The following PANK1 variants were observed in gnomAD, a reference collection of about 807,000 sequenced individuals.
The protein encoded by PANK1 is pantothenic acid kinase 1.
PANK1 carries 18 observed loss-of-function variants against 40.1 expected under a neutral mutation model. The observed-to-expected ratio is 0.45, with a 90% CI of 0.31 to 0.67. The LOEUF (loss-of-function observed/expected upper bound fraction) is 0.67, where lower values mean the gene tolerates loss of function less well. Among genes scored for constraint, PANK1 ranks in the 30% least tolerant of loss-of-function variants. PANK1 has a pLI of 0.06. For missense variants in PANK1, 457 were observed against 599.6 expected, an observed-to-expected ratio of 0.76 and a Z score of 2.48; for synonymous variants, 242 against 237.7, an observed-to-expected ratio of 1.02 and a Z score of -0.17.
intron 1 of PANK1, among the ~76,000 whole-genome samples, chr10:89,624,124 A>G (rs185556969): frequency 1.3e-5 from 2 of 152,318 alleles, no homozygotes; most frequent in East Asian, 3.9e-4. Flanking sequence ...AAAAGAGAAC[A>G]GCAAGAATTC....
At position 89,585,032 on chromosome 10, in the gene PANK1, G is replaced by A. The variant is rs115657335; in HGVS notation, c.1327-567C>T. Among the ~76,000 whole-genome samples the A allele has an allele frequency of 7.2e-3, 1,089 of 152,274 alleles. 12 individuals carry two copies. The highest frequency in any genetic ancestry group is 0.025 in the African/African-American group (1,041 of 41,538). On this transcript the variant is annotated intron_variant, in intron 6 of 6. Transcript: ENST00000307534. ...TTTTTAGAGAACTATGTGTTAGTTTGTTCAGGCTGCTATATATAACAAAGT... is the reference window on the plus strand; with the variant it reads ...TTTTTAGAGAACTATGTGTTAGTTTATTCAGGCTGCTATATATAACAAAGT...
intron 1 of PANK1, among the ~76,000 whole-genome samples, chr10:89,630,739 G>A (rs1408988322): frequency 7.2e-5 from 11 of 152,150 alleles, no homozygotes; most frequent in Admixed American, 3.9e-4. Context: ...TGATCCGCCC[G>A]CCTCGGCCTT....
intron 1 of PANK1, among the ~76,000 whole-genome samples, chr10:89,634,032 AGC>A (rs2133023719): frequency 6.6e-6 from 1 of 152,314 alleles, no homozygotes; most frequent in Admixed American, 6.5e-5. Context: ...ATACCTCGTG[AGC>A]TGTTATGTAG....
rs988898469 is a variant in PANK1, at chr10:89,594,101, G to A, written c.900-112C>T. The A allele has an allele frequency of 7.0e-6, 5 of 713,672 alleles. No homozygotes were observed. In the East Asian group the frequency reaches 1.3e-4, roughly 19 times the overall value. The allele number at this position is 713,672 out of a possible 1,614,324, so 44.2% of individuals were successfully genotyped here. On this transcript the variant is annotated intron_variant, in intron 3 of 6. Transcript: ENST00000307534. ...GTGAATAAAAGCAGACGAACAAAGG[G>A]GCACTTGAATTAAAGTGCTAGGGTG...
intron 5 of PANK1, among the ~76,000 whole-genome samples, chr10:89,591,093 G>A (rs1055519902): frequency 9.9e-5 from 15 of 151,802 alleles, no homozygotes; most frequent in African/African-American, 3.6e-4. Flanking sequence ...TATATGGAGG[G>A]TGAATTGTAT....
chr10:89,589,466 T>C (rs958064636), intron 5 of PANK1, among the ~76,000 whole-genome samples: 1 of 152,178 alleles, frequency 6.6e-6, no homozygotes, highest in African/African-American at 2.4e-5. Context: ...AGTGCACTCG[T>C]TATACTTCCC....
chr10:89,644,566 C>T lies in PANK1; in HGVS notation c.292+34G>A, dbSNP rs1842058690. On this transcript the variant is annotated intron_variant, in intron 1 of 6. Transcript: ENST00000307534. ...CCCGGGCCCCGCACGCTGCGTCTGC[C>T]TTGCGCCCGCGCTCCCCTCCCAGCG... The T allele has an allele frequency of 2.6e-6, 4 of 1,562,444 alleles. No homozygotes were observed. The East Asian group carries it at 7.2e-5, about 28-fold the overall frequency.
At chr10:89,634,419 T>C (rs542863724) in intron 1 of PANK1, among the ~76,000 whole-genome samples, 2 of 152,118 alleles carry the variant, frequency 1.3e-5, no homozygotes, top group Non-Finnish European at 2.9e-5. Flanking sequence ...CAGTGTAGGA[T>C]CAAGGCCAAG....
In PANK1 at chr10:89,645,050, C is replaced by T. The variant is rs1223909360; in HGVS notation, c.-159G>A. On this transcript the variant is annotated 5_prime_UTR_variant, in exon 1 of 7. Transcript: ENST00000307534. ...TGGCGAACCCGGCGCTCCTCCCCTC[C>T]TCCTGCCGACTCCCCCACCTCCTCT... 1 of 1,562,000 alleles carries T rather than the reference C, an allele frequency of 6.4e-7. No homozygotes were observed. Among genetic ancestry groups the T allele is most frequent in the South Asian group, 1.2e-5 (1 of 86,198 alleles).
At position 89,611,682 on chromosome 10, in the gene PANK1, C is replaced by A; in HGVS notation, c.645+14G>T. On this transcript the variant is annotated intron_variant, in intron 2 of 6. Transcript: ENST00000307534. Reference sequence around the variant, plus strand: ...AGAGGTTTTGATGTTTTAACAAAGACAAACCCGACCTACCATTCTGAAGTC... The same window carrying A: ...AGAGGTTTTGATGTTTTAACAAAGAAAAACCCGACCTACCATTCTGAAGTC... 1 of 1,572,542 alleles carries A rather than the reference C, an allele frequency of 6.4e-7. No homozygotes were observed. The highest frequency in any genetic ancestry group is 8.7e-7 in the Non-Finnish European group (1 of 1,153,586).
intron 1 of PANK1, chr10:89,639,275 C>G (rs1346871892): frequency 2.3e-6 from 1 of 439,142 alleles, no homozygotes; most frequent in African/African-American, 2.0e-5. Context: ...AACTTGCAGC[C>G]TCAAGTCCTT....
chr10:89,607,335 C>A (rs1844998596), intron 2 of PANK1, among the ~76,000 whole-genome samples: 1 of 152,184 alleles, frequency 6.6e-6, no homozygotes, highest in African/African-American at 2.4e-5. Context: ...TCAGAACACA[C>A]AACATTTATC....
intron 1 of PANK1, 30 bp from the exon 2 acceptor site, chr10:89,612,078 A>G (rs1845174717): frequency 1.3e-6 from 2 of 1,569,876 alleles, no homozygotes; most frequent in South Asian, 2.3e-5. Flanking sequence ...AGTGCTGCTG[A>G]ATGCTATGCG....
chr10:89,604,517 C>G (rs1056727995), intron 2 of PANK1, among the ~76,000 whole-genome samples: 1 of 151,916 alleles, frequency 6.6e-6, no homozygotes, highest in South Asian at 2.1e-4. Flanking sequence ...CATGGTAAGA[C>G]CCTCGTTTCT....
chr10:89,594,167 G>T (rs888061809), intron 3 of PANK1, among the ~76,000 whole-genome samples, 178 bp from the exon 4 acceptor site: 2 of 152,132 alleles, frequency 1.3e-5, no homozygotes, highest in Non-Finnish European at 2.9e-5. Context: ...AAAGAGGGCA[G>T]AGACTAAAAA....
In PANK1 at chr10:89,584,404, CTCTACTTG is replaced by C. The variant is rs1289676114; in HGVS notation, c.1380_*1del. ...GGAGGCTGTTTCCTCCACTGCTCGT[CTCTACTTG>C]TCATCAGTCATTTTGAACAGTTCCA... On this transcript the variant is annotated stop_lost and 3_prime_UTR_variant, in exon 7 of 7. Coordinates refer to ENST00000307534, the MANE Select transcript of PANK1 (RefSeq NM_148977.3). 6.3e-7 allele frequency: 1 copy of C among 1,592,362 alleles called. No homozygotes were observed. The highest frequency in any genetic ancestry group is 1.1e-5 in the South Asian group (1 of 90,504).
At chr10:89,593,406 G>T in intron 4 of PANK1, 86 bp from the exon 5 acceptor site, 1 of 1,447,234 alleles carries the variant, frequency 6.9e-7, no homozygotes, top group East Asian at 2.3e-5. Flanking sequence ...AAGGCTCTAC[G>T]AGTAACTGTT....
chr10:89,623,267 G>A (rs965020407), intron 1 of PANK1, among the ~76,000 whole-genome samples: 2 of 152,080 alleles, frequency 1.3e-5, no homozygotes, highest in African/African-American at 2.4e-5. Context: ...TGTGGCCCAG[G>A]CTGGAGTGCA....
intron 2 of PANK1, among the ~76,000 whole-genome samples, chr10:89,603,298 C>T (rs1261083013): frequency 6.6e-6 from 1 of 152,104 alleles, no homozygotes; most frequent in East Asian, 1.9e-4. Flanking sequence ...CTCTTTTAAC[C>T]CAGTAGGTGC....
Sources: allele counts gnomAD v4.1 joint callset (sites outside exome capture counted in the v4.1 genomes callset), GRCh38; gene constraint gnomAD v4.1.1; transcripts MANE v1.5; gene names NCBI Gene and HGNC (gene_info 2026-07-23, HGNC 2026-07-21).